Variants in KIF19 observed in about 807,000 individuals in gnomAD.
The protein encoded by KIF19 is kinesin-like protein KIF19.
In KIF19, 98 loss-of-function variants were observed where a neutral mutation model predicts 106.6. The ratio of observed to expected loss-of-function variants is 0.92; its 90% confidence interval spans 0.78 to 1.09. The LOEUF (loss-of-function observed/expected upper bound fraction) is 1.09, where lower values mean the gene tolerates loss of function less well. KIF19 is among the 50% of genes least tolerant of loss of function. KIF19 has a pLI of 0.00. For missense variants in KIF19, 1,373 were observed against 1,414.3 expected, an observed-to-expected ratio of 0.97 and a Z score of 0.47; for synonymous variants, 516 against 584.2, an observed-to-expected ratio of 0.88 and a Z score of 1.68.
chr17:74,354,316 G>T lies in KIF19; in HGVS notation c.2463G>T (p.Ala821=). Residue 821 remains alanine, a synonymous_variant, in exon 18 of 20, where the codon GCG becomes GCT. Transcript: ENST00000389916. Reference sequence around the variant, plus strand: ...ACTCACTGAGCGAGGGCGACGATGCGCGGCCACCAGGCCCACTGGCCTGCA... The same window carrying T: ...ACTCACTGAGCGAGGGCGACGATGCTCGGCCACCAGGCCCACTGGCCTGCA... ...SLHSLSEGDD[A]RPPGPLACKR... 1 of 1,608,022 alleles carries T rather than the reference G, an allele frequency of 6.2e-7. No individual in the cohort carries two copies. Among genetic ancestry groups the T allele is most frequent in the Non-Finnish European group, 8.5e-7 (1 of 1,178,020 alleles).
intron 9 of KIF19, among the ~76,000 whole-genome samples, 154 bp downstream of exon 9, chr17:74,348,053 G>C (rs2054589478): frequency 6.6e-6 from 1 of 152,122 alleles, no homozygotes; most frequent in African/African-American, 2.4e-5. Context: ...CACTTTCCCT[G>C]CACCTCCAAA....
At position 74,355,568 on chromosome 17, in the gene KIF19, A is replaced by C; in HGVS notation, c.*256A>C. 7.5e-6 allele frequency: 3 copies of C among 400,140 alleles called. No homozygotes were observed. The highest frequency in any genetic ancestry group is 8.7e-6 in the Non-Finnish European group (2 of 229,064). 24.8% of individuals were successfully genotyped at this position (400,140 alleles called of 1,614,324 possible). A position where few individuals can be genotyped will look rare whatever the true frequency, so the allele number is the denominator to read the frequency against. On this transcript the variant is annotated 3_prime_UTR_variant, in exon 20 of 20. Transcript: ENST00000389916. ...CCCTGGCTTCCCAGCCCTGGACAGAATGCTGTTGCCAAAACCTGCACAGCC... is the reference window on the plus strand; with the variant it reads ...CCCTGGCTTCCCAGCCCTGGACAGACTGCTGTTGCCAAAACCTGCACAGCC...
In KIF19 at chr17:74,328,838, G is replaced by A. The variant is rs73362527; in HGVS notation, c.120+333G>A. 1,456 of 194,708 alleles carry A rather than the reference G, an allele frequency of 7.5e-3. 26 individuals carry two copies. The highest frequency in any genetic ancestry group is 0.032 in the African/African-American group (1,369 of 42,812). 12.1% of individuals were successfully genotyped at this position (194,708 alleles called of 1,614,324 possible). A position where few individuals can be genotyped will look rare whatever the true frequency, so the allele number is the denominator to read the frequency against. On this transcript the variant is annotated intron_variant, in intron 2 of 19. Transcript: ENST00000389916. Reference sequence around the variant, plus strand: ...TATATATGGTTGAGAGCTAAAGCTCGCCTCTAGGGTGTAACGTGTGGCAAA... The same window carrying A: ...TATATATGGTTGAGAGCTAAAGCTCACCTCTAGGGTGTAACGTGTGGCAAA...
chr17:74,343,903 C>T (rs1219927875), intron 5 of KIF19, among the ~76,000 whole-genome samples: 2 of 152,158 alleles, frequency 1.3e-5, no homozygotes, highest in African/African-American at 4.8e-5. Context: ...CAATGTCACA[C>T]AGTAAGTGAG....
At chr17:74,332,201 TGTGTGTGTTTGTGTGTGTGTG>T (rs1567897483) in intron 2 of KIF19, among the ~76,000 whole-genome samples, 4 of 72,594 alleles carry the variant, frequency 5.5e-5, no homozygotes, top group Non-Finnish European at 7.9e-5. Context: ...TGTGTGTGTG[TGTGTGTGTTTGTGTGTGTGTG>T]TGTGTGTGTG....
intron 10 of KIF19, 74 bp downstream of exon 10, chr17:74,349,423 G>T: frequency 7.0e-7 from 1 of 1,438,210 alleles, no homozygotes; most frequent in Non-Finnish European, 9.3e-7. Flanking sequence ...AGGCCATGTT[G>T]TGTTCAAATC....
intron 4 of KIF19, 69 bp from the exon 5 acceptor site, chr17:74,342,955 G>T: frequency 6.6e-7 from 1 of 1,504,490 alleles, no homozygotes; most frequent in Non-Finnish European, 8.9e-7. Context: ...CCGGTTTCCA[G>T]GAGTGCCTGC....
rs151314760 is a variant in KIF19, at chr17:74,329,935, G to GC, written c.120+1433dup. 5.2e-3 allele frequency among the ~76,000 whole-genome samples: 785 copies of GC among 152,330 alleles called. 8 individuals carry two copies. The highest frequency in any genetic ancestry group is 0.018 in the African/African-American group (735 of 41,574). On this transcript the variant is annotated intron_variant, in intron 2 of 19. Transcript: ENST00000389916. ...ACGGGCTGGACTCATGAAGCCCTGG[G>GC]CCCAGGATAAGCAAACCAGAGGCAG...
intron 2 of KIF19, among the ~76,000 whole-genome samples, chr17:74,339,996 C>T (rs901035436): frequency 3.9e-5 from 6 of 152,210 alleles, no homozygotes; most frequent in Non-Finnish European, 7.3e-5. Context: ...GCCCTCTTAA[C>T]AGCCCGTTGA....
chr17:74,339,803 G>A (rs2054313540), intron 2 of KIF19, among the ~76,000 whole-genome samples: 1 of 152,214 alleles, frequency 6.6e-6, no homozygotes, highest in African/African-American at 2.4e-5. Flanking sequence ...GGGCACCTCC[G>A]CGGTGCAGTG....
Position 74,349,324 on chromosome 17 carries a change from T to C in KIF19, c.1188T>C (p.Asp396=). The change falls in exon 10 of 20, where the codon GAT becomes GAC. Residue 396 remains aspartate, a synonymous_variant. Coordinates refer to ENST00000389916, the MANE Select transcript of KIF19 (RefSeq NM_153209.4). ...GGGGCCAGGCCCGGGGCCGGCAGGA[T>C]CGGGGTGACATCCGCCACATCCAAG... ...TGRGQARGRQ[D]RGDIRHIQAE... is the part of the protein sequence containing the mutation. 1 of 1,606,082 alleles carries C rather than the reference T, an allele frequency of 6.2e-7. No individual in the cohort carries two copies. Among genetic ancestry groups the C allele is most frequent in the Non-Finnish European group, 8.5e-7 (1 of 1,176,554 alleles).
rs1238165873 is a variant in KIF19 at position 74,346,858 on chromosome 17, G to T, written c.924+334G>T. On this transcript the variant is annotated intron_variant, in intron 8 of 19. Coordinates refer to ENST00000389916, the MANE Select transcript of KIF19 (RefSeq NM_153209.4). This position sits in a 1 kb window ranked among gnomAD's most constrained non-coding sequence, Gnocchi z 4.6. ...ATTTGGGGGTGCAGGTGGGCAGTCA[G>T]CCTCATGGCCCCACAGGTCAGCTGT... Among the ~76,000 whole-genome samples, 1 of 152,176 alleles carries T rather than the reference G, an allele frequency of 6.6e-6. No homozygotes were observed. Among genetic ancestry groups the T allele is most frequent in the East Asian group, 1.9e-4 (1 of 5,198 alleles).
At chr17:74,327,582 C>T (rs773000126) in intron 1 of KIF19, among the ~76,000 whole-genome samples, 1 of 152,236 alleles carries the variant, frequency 6.6e-6, no homozygotes, top group Non-Finnish European at 1.5e-5. Context: ...AAGCGATTCT[C>T]CTGCTTCAGC....
At chr17:74,335,925 T>C (rs2054209340) in intron 2 of KIF19, among the ~76,000 whole-genome samples, 1 of 152,182 alleles carries the variant, frequency 6.6e-6, no homozygotes, top group South Asian at 2.1e-4. Context: ...TTGGATGTTG[T>C]ATTAGTTTGC....
At chr17:74,355,110 G>A in intron 19 of KIF19, 72 bp from the exon 20 acceptor site, 2 of 1,549,626 alleles carry the variant, frequency 1.3e-6, no homozygotes, top group Non-Finnish European at 1.7e-6. Flanking sequence ...AGAGTTCAAG[G>A]CCACTGGGTG....
intron 2 of KIF19, among the ~76,000 whole-genome samples, chr17:74,341,283 A>G (rs924406923): frequency 2.0e-5 from 3 of 152,176 alleles, no homozygotes; most frequent in Admixed American, 6.5e-5. Flanking sequence ...ACACCACTGC[A>G]CTCCAGCCTG....
chr17:74,333,312 C>A (rs2054141660), intron 2 of KIF19, among the ~76,000 whole-genome samples: 1 of 152,134 alleles, frequency 6.6e-6, no homozygotes, highest in South Asian at 2.1e-4. Flanking sequence ...CTCCATATTG[C>A]CCCTTCTGGA....
intron 2 of KIF19, among the ~76,000 whole-genome samples, chr17:74,330,412 T>C (rs2054045637): frequency 6.6e-6 from 1 of 152,198 alleles, no homozygotes; most frequent in Non-Finnish European, 1.5e-5. Context: ...GTTATCAACG[T>C]CTGCTAGAGA....
At chr17:74,334,200 C>T (rs1467791438) in intron 2 of KIF19, among the ~76,000 whole-genome samples, 1 of 152,052 alleles carries the variant, frequency 6.6e-6, no homozygotes, top group Non-Finnish European at 1.5e-5. Flanking sequence ...ATCCTTTCAT[C>T]AGTTGATGGG....
Sources: gnomAD v4.1 joint callset for allele counts (sites outside exome capture counted in the v4.1 genomes callset) on GRCh38, gnomAD v4.1.1 for gene constraint, Gnocchi (gnomAD v3.1) non-coding constraint, MANE v1.5 for transcripts, NCBI Gene and HGNC (gene_info 2026-07-23, HGNC 2026-07-21) for gene names.